PPARGC1A: variants seen among roughly 807,000 people sequenced by gnomAD.
The protein encoded by PPARGC1A is PPARG coactivator 1 alpha, also known as peroxisome proliferator-activated receptor gamma coactivator 1-alpha.
PPARGC1A carries 25 observed loss-of-function variants against 88.7 expected under a neutral mutation model. That is an observed-to-expected ratio of 0.28 (90% confidence interval 0.21 to 0.39). The LOEUF (loss-of-function observed/expected upper bound fraction) is 0.39, where lower values mean the gene tolerates loss of function less well. Among genes scored for constraint, PPARGC1A ranks in the 10% least tolerant of loss-of-function variants. The probability of loss-of-function intolerance (pLI) is 1.00; values close to 1 mark genes in which losing one functional copy is unlikely to be tolerated. For synonymous variants in PPARGC1A, 363 were observed against 355.6 expected, an observed-to-expected ratio of 1.02 and a Z score of -0.24; for missense variants, 880 against 968.7, an observed-to-expected ratio of 0.91 and a Z score of 1.22.
the PPARGC1A span, among the ~76,000 whole-genome samples, chr4:23,945,644 C>T: frequency 2.6e-5 from 4 of 152,096 alleles, no homozygotes; most frequent in African/African-American, 4.8e-5. Context: ...GCAGGAGGGA[C>T]GGCATGAGCA....
the PPARGC1A span, among the ~76,000 whole-genome samples, chr4:23,948,738 C>A: frequency 5.5e-3 from 839 of 152,228 alleles, 7 homozygotes; most frequent in African/African-American, 0.019. Flanking sequence ...TCTCAAATGT[C>A]CCATTTTTAT....
the PPARGC1A span, among the ~76,000 whole-genome samples, chr4:24,468,954 ATTGATC>A: frequency 1.4e-5 from 2 of 146,006 alleles, no homozygotes. Context: ...AGCACATCAT[ATTGATC>A]TAGAAATAAA....
chr4:24,211,043 G>T, the PPARGC1A span, among the ~76,000 whole-genome samples: 1 of 152,106 alleles, frequency 6.6e-6, no homozygotes, highest in African/African-American at 2.4e-5. Flanking sequence ...AATTGCAGTT[G>T]CTTACTTACT....
At chr4:24,038,257 T>C in the PPARGC1A span, among the ~76,000 whole-genome samples, 1 of 152,184 alleles carries the variant, frequency 6.6e-6, no homozygotes, top group Admixed American at 6.6e-5. Context: ...GTAGCCCCTC[T>C]ACAAAACCAG....
At chr4:23,857,006 T>A (rs1730293348) in intron 2 of PPARGC1A, among the ~76,000 whole-genome samples, 1 of 152,206 alleles carries the variant, frequency 6.6e-6, no homozygotes, top group Non-Finnish European at 1.5e-5. Context: ...AGCATTGAAC[T>A]ATGTACTTTC....
the PPARGC1A span, among the ~76,000 whole-genome samples, chr4:23,981,049 C>T: frequency 6.2e-4 from 95 of 152,074 alleles, no homozygotes; most frequent in African/African-American, 2.3e-3. Context: ...CTCCTTGTAA[C>T]TCATTATCTA....
At chr4:24,342,086 T>C in the PPARGC1A span, among the ~76,000 whole-genome samples, 3 of 152,172 alleles carry the variant, frequency 2.0e-5, no homozygotes, top group Non-Finnish European at 4.4e-5. Context: ...TTCCCACACG[T>C]TTATCTTTAT....
chr4:23,870,040 T>G (rs1712954760), intron 2 of PPARGC1A, among the ~76,000 whole-genome samples: 1 of 152,226 alleles, frequency 6.6e-6, no homozygotes, highest in African/African-American at 2.4e-5. Context: ...CGGTATTTCA[T>G]GGAGCATTTT....
the PPARGC1A span, among the ~76,000 whole-genome samples, chr4:23,909,873 T>A: frequency 6.6e-6 from 1 of 151,334 alleles, no homozygotes; most frequent in Non-Finnish European, 1.5e-5. Flanking sequence ...TGACAAATGA[T>A]GAATCATACC....
chr4:24,301,626 A>G, the PPARGC1A span, among the ~76,000 whole-genome samples: 1 of 152,012 alleles, frequency 6.6e-6, no homozygotes, highest in African/African-American at 2.4e-5. Flanking sequence ...AAAAAAAAAA[A>G]AGAGTACGTG....
chr4:24,053,672 G>T, the PPARGC1A span, among the ~76,000 whole-genome samples: 1 of 152,124 alleles, frequency 6.6e-6, no homozygotes, highest in African/African-American at 2.4e-5. Flanking sequence ...CATTTACTTT[G>T]TGACACGATG....
the PPARGC1A span, among the ~76,000 whole-genome samples, chr4:24,185,263 C>T: frequency 6.6e-6 from 1 of 152,176 alleles, no homozygotes; most frequent in African/African-American, 2.4e-5. Flanking sequence ...TAAACCTCAA[C>T]CTGTCACAAT....
At chr4:24,057,684 G>A in the PPARGC1A span, among the ~76,000 whole-genome samples, 1 of 152,078 alleles carries the variant, frequency 6.6e-6, no homozygotes, top group Non-Finnish European at 1.5e-5. Context: ...AGAAGAGGCT[G>A]GCTTCCTGAG....
intron 10 of PPARGC1A, among the ~76,000 whole-genome samples, chr4:23,803,913 CT>C (rs1719249492): frequency 6.6e-6 from 1 of 152,170 alleles, no homozygotes; most frequent in South Asian, 2.1e-4. Flanking sequence ...TTTTCCTTTT[CT>C]TATGCCCAGT....
the PPARGC1A span, among the ~76,000 whole-genome samples, chr4:23,976,709 A>G: frequency 6.6e-6 from 1 of 152,208 alleles, no homozygotes; most frequent in Non-Finnish European, 1.5e-5. Flanking sequence ...GTATGCACAC[A>G]GAGAAAAGGC....
chr4:23,893,624 T>C (rs747407449), upstream of PPARGC1A, among the ~76,000 whole-genome samples: 9 of 152,068 alleles, frequency 5.9e-5, no homozygotes, highest in Non-Finnish European at 7.4e-5. Flanking sequence ...AAATTGACAG[T>C]TTATCATTAC....
the PPARGC1A span, among the ~76,000 whole-genome samples, chr4:24,175,119 T>C: frequency 2.0e-5 from 3 of 152,206 alleles, no homozygotes; most frequent in East Asian, 1.9e-4. Context: ...AGCTTCATTG[T>C]TGGGTAAGAA....
At chr4:24,056,591 T>C in the PPARGC1A span, among the ~76,000 whole-genome samples, 2 of 152,180 alleles carry the variant, frequency 1.3e-5, no homozygotes, top group Admixed American at 1.3e-4. Flanking sequence ...TTATTTTTCC[T>C]AGAATGGCTC....
At chr4:23,953,047 TA>T in the PPARGC1A span, among the ~76,000 whole-genome samples, 1 of 152,112 alleles carries the variant, frequency 6.6e-6, no homozygotes, top group African/African-American at 2.4e-5. Context: ...TAAAGTTTGC[TA>T]TAACTTACTT....
Sources: gnomAD v4.1 joint callset for allele counts (sites outside exome capture counted in the v4.1 genomes callset) on GRCh38, gnomAD v4.1.1 for gene constraint, MANE v1.5 for transcripts, NCBI Gene and HGNC (gene_info 2026-07-23, HGNC 2026-07-21) for gene names.